TNIP1: variants seen among roughly 807,000 people sequenced by gnomAD.
TNIP1 encodes TNFAIP3-interacting protein 1.
TNIP1 carries 22 observed loss-of-function variants against 86.6 expected under a neutral mutation model. The ratio of observed to expected loss-of-function variants is 0.25; its 90% confidence interval spans 0.18 to 0.36. The LOEUF is 0.36. Ranked by LOEUF, TNIP1 falls within the 10% of genes least tolerant of loss-of-function variation. The probability of loss-of-function intolerance (pLI) is 1.00; values close to 1 mark genes in which losing one functional copy is unlikely to be tolerated. For missense variants in TNIP1, 709 were observed against 820.6 expected (o/e 0.86, Z 1.66); for synonymous variants, 294 against 313.0 (o/e 0.94, Z 0.64).
At chr5:151,086,168 A>T (rs1338556363) in intron 1 of TNIP1, among the ~76,000 whole-genome samples, 1 of 152,250 alleles carries the variant, frequency 6.6e-6, no homozygotes, top group Non-Finnish European at 1.5e-5. Context: ...CTGAGGATAC[A>T]GGAGTGGACC....
chr5:151,059,864 TGTGC>T (rs749549589), intron 5 of TNIP1, among the ~76,000 whole-genome samples: 1,451 of 98,496 alleles, frequency 0.015, 22 homozygotes, highest in African/African-American at 0.022. Context: ...TGTGTGTGTG[TGTGC>T]GCGCGCGCGC....
intron 5 of TNIP1, among the ~76,000 whole-genome samples, chr5:151,058,951 G>A (rs949438504): frequency 3.9e-5 from 6 of 152,184 alleles, no homozygotes; most frequent in Non-Finnish European, 5.9e-5. Context: ...GTGTAATGGC[G>A]TCAGTGTGCC....
chr5:151,070,642 T>C (rs542098072), intron 1 of TNIP1, among the ~76,000 whole-genome samples: 1 of 152,296 alleles, frequency 6.6e-6, no homozygotes, highest in East Asian at 1.9e-4. Context: ...GGCAATATCC[T>C]GCAATTCCAC....
At chr5:151,082,470 G>A (rs1211815481), upstream of TNIP1, among the ~76,000 whole-genome samples, 1 of 152,092 alleles carries the variant, frequency 6.6e-6, no homozygotes, top group African/African-American at 2.4e-5. Context: ...CATCAGGTCC[G>A]CACCTGCCAG....
At chr5:151,030,794 G>C in intron 17 of TNIP1, 47 bp from the exon 18 acceptor site, 2 of 1,477,864 alleles carry the variant, frequency 1.4e-6, no homozygotes, top group Non-Finnish European at 9.3e-7. Flanking sequence ...GTGGTAGAGC[G>C]AGTTTCAAAG....
At chr5:151,071,951 C>T (rs1243701593) in intron 1 of TNIP1, among the ~76,000 whole-genome samples, 1 of 152,208 alleles carries the variant, frequency 6.6e-6, no homozygotes, top group African/African-American at 2.4e-5. Flanking sequence ...CTACCGTATG[C>T]CAGGTGCTGG....
chr5:151,066,823 C>CA (rs1762295311), intron 1 of TNIP1, among the ~76,000 whole-genome samples: 1 of 152,200 alleles, frequency 6.6e-6, no homozygotes, highest in Non-Finnish European at 1.5e-5. Context: ...CCACCATACT[C>CA]ACACAGCCAG....
At chr5:151,077,165 T>C (rs1288415568) in intron 1 of TNIP1, among the ~76,000 whole-genome samples, 1 of 152,188 alleles carries the variant, frequency 6.6e-6, no homozygotes, top group East Asian at 1.9e-4. Flanking sequence ...AAATGAGTGA[T>C]TGAAATAGAG....
At chr5:151,047,650 AT>A (rs998834035) in intron 8 of TNIP1, among the ~76,000 whole-genome samples, 7 of 152,102 alleles carry the variant, frequency 4.6e-5, no homozygotes, top group African/African-American at 1.7e-4. Flanking sequence ...TCTCTAGACT[AT>A]TTTTGCAACT....
At position 151,033,670 on chromosome 5, in the gene TNIP1, G is replaced by A; in HGVS notation, c.1717C>T (p.Pro573Ser). The stretch of plus-strand genomic sequence containing the variant: ...TGCTCCATGGCCATGGGGGGAGGGG[G>A]GTAGCGGATCTGGGACCAGTCCTCG... ...GFEDWSQIRY[P>S]PPPMAMEHPP... The change falls in exon 16 of 18, where the codon CCC (proline) becomes TCC (serine). Residue 573 changes from proline (P) to serine (S), a missense_variant. Physicochemically the swap from Pro to Ser is moderately conservative, Grantham distance 74. Transcript: ENST00000521591. The A allele has an allele frequency of 7.4e-7, 1 of 1,349,456 alleles. No homozygotes were observed. Among genetic ancestry groups the A allele is most frequent in the Non-Finnish European group, 9.6e-7 (1 of 1,039,210 alleles). The allele number at this position is 1,349,456 out of a possible 1,614,324, so 83.6% of individuals were successfully genotyped here. A position where few individuals can be genotyped will look rare whatever the true frequency, so the allele number is the denominator to read the frequency against.
At chr5:151,048,198 G>A (rs1257788939) in intron 8 of TNIP1, among the ~76,000 whole-genome samples, 2 of 152,232 alleles carry the variant, frequency 1.3e-5, no homozygotes, top group Admixed American at 6.5e-5. Flanking sequence ...GAGGAAGAGG[G>A]TGGATTCCAG....
intron 5 of TNIP1, among the ~76,000 whole-genome samples, chr5:151,059,828 A>AGAGAGAGAGAGAGAGT (rs1554076446): frequency 3.0e-4 from 17 of 56,390 alleles, no homozygotes; most frequent in Non-Finnish European, 4.5e-4. Context: ...AGAGAGAGAG[A>AGAGAGAGAGAGAGAGT]GTGTGTGTGT....
chr5:151,037,623 C>T (rs1224563873), intron 12 of TNIP1, among the ~76,000 whole-genome samples: 1 of 152,148 alleles, frequency 6.6e-6, no homozygotes, highest in Non-Finnish European at 1.5e-5. Context: ...ACAGTGTGCC[C>T]ACATCTTCTT....
chr5:151,084,207 G>A (rs150973658), upstream of TNIP1, among the ~76,000 whole-genome samples: 17,085 of 152,256 alleles, frequency 0.11, 1,125 homozygotes, highest in Middle Eastern at 0.21. Context: ...CACTCTGGGA[G>A]GCTGAGGCGG....
intron 10 of TNIP1, 31 bp from the exon 11 acceptor site, chr5:151,042,702 G>A: frequency 6.2e-7 from 1 of 1,613,044 alleles, no homozygotes; most frequent in Non-Finnish European, 8.5e-7. Flanking sequence ...GAGTGTGTGA[G>A]GCAAGGATGT....
At chr5:151,037,073 T>C in intron 12 of TNIP1, 152 bp from the exon 13 acceptor site, 1 of 953,556 alleles carries the variant, frequency 1.0e-6, no homozygotes, top group African/African-American at 1.7e-5. Context: ...GCCCTATTTA[T>C]TTGCATTCTA....
intron 4 of TNIP1, among the ~76,000 whole-genome samples, chr5:151,060,677 C>T (rs1183798462): frequency 6.6e-6 from 1 of 152,210 alleles, no homozygotes; most frequent in Non-Finnish European, 1.5e-5. Flanking sequence ...TGTAGGATTG[C>T]ATTTTTTAAG....
chr5:151,061,890 G>A (rs969970925), intron 4 of TNIP1, among the ~76,000 whole-genome samples: 1 of 152,252 alleles, frequency 6.6e-6, no homozygotes, highest in Non-Finnish European at 1.5e-5. Context: ...AACTTAGTAA[G>A]TGAGAAGAAT....
chr5:151,059,215 C>G (rs145336718), intron 5 of TNIP1, among the ~76,000 whole-genome samples: 85 of 152,320 alleles, frequency 5.6e-4, no homozygotes, highest in Non-Finnish European at 1.1e-3. Context: ...AGTTATCGGT[C>G]CAAAGTCAGA....
Sources: allele counts gnomAD v4.1 joint callset (sites outside exome capture counted in the v4.1 genomes callset), GRCh38; gene constraint gnomAD v4.1.1; transcripts MANE v1.5; gene names NCBI Gene and HGNC (gene_info 2026-07-23, HGNC 2026-07-21).